The following GK5 variants were observed in gnomAD, a reference collection of about 807,000 sequenced individuals.
GK5 encodes glycerol kinase 5.
In GK5, 39 loss-of-function variants were observed where a neutral mutation model predicts 77.3. That is an observed-to-expected ratio of 0.50 (90% CI 0.39 to 0.66). The LOEUF is 0.66. Among genes scored for constraint, GK5 ranks in the 30% least tolerant of loss-of-function variants. The probability of loss-of-function intolerance (pLI) is 0.00; values close to 1 mark genes in which losing one functional copy is unlikely to be tolerated. For synonymous variants in GK5, 211 were observed against 208.0 expected (o/e 1.01, Z -0.13); for missense variants, 487 against 633.8 (o/e 0.77, Z 2.49).
chr3:142,159,588 A>AT lies in GK5; in HGVS notation c.*6033dup, dbSNP rs1244403126. 2.0e-5 allele frequency: 3 copies of AT among 151,992 alleles called. No individual in the cohort carries two copies. The East Asian group carries it at 5.8e-4, about 29-fold the overall frequency. The allele number at this position is 151,992 out of a possible 1,614,324, so 9.4% of individuals were successfully genotyped here. On this transcript the variant is annotated 3_prime_UTR_variant, in exon 16 of 16. Transcript: ENST00000392993. ...CAGCCAATGACTTAGGTGCCAATAG[A>AT]TGCTGGTGCCAAAATATTTATGGCT... is the stretch of plus-strand genomic sequence containing the variant.
chr3:142,201,804 C>T (rs1273652238), intron 4 of GK5, among the ~76,000 whole-genome samples: 2 of 152,136 alleles, frequency 1.3e-5, no homozygotes, highest in African/African-American at 4.8e-5. Flanking sequence ...GATCTCTGTA[C>T]TGTTTCTTAC....
intron 1 of GK5, among the ~76,000 whole-genome samples, chr3:142,223,451 T>TA (rs2107802404): frequency 6.6e-6 from 1 of 152,332 alleles, no homozygotes; most frequent in South Asian, 2.1e-4. Flanking sequence ...GGGATAGGGA[T>TA]AGTGTGTGGG....
intron 11 of GK5, among the ~76,000 whole-genome samples, chr3:142,180,233 A>T (rs2063675497): frequency 6.6e-6 from 1 of 152,198 alleles, no homozygotes; most frequent in South Asian, 2.1e-4. Flanking sequence ...GACAGCAGAC[A>T]GAGCAGCAGA....
chr3:142,189,607 T>C (rs1455236767), intron 5 of GK5, among the ~76,000 whole-genome samples: 2 of 152,150 alleles, frequency 1.3e-5, no homozygotes, highest in Non-Finnish European at 2.9e-5. Flanking sequence ...GGGCCTCTGA[T>C]AGGTGCTAGG....
intron 1 of GK5, among the ~76,000 whole-genome samples, chr3:142,224,305 G>C (rs543546041): frequency 6.6e-6 from 1 of 152,214 alleles, no homozygotes; most frequent in East Asian, 1.9e-4. Context: ...CAGCTACTTG[G>C]GGGGCTGAGG....
intron 3 of GK5, among the ~76,000 whole-genome samples, chr3:142,210,097 A>G (rs1444578952): frequency 6.6e-6 from 1 of 152,206 alleles, no homozygotes; most frequent in Non-Finnish European, 1.5e-5. Context: ...AGAAAGCTCA[A>G]AGACTGAAAA....
chr3:142,180,843 A>G (rs2063686820), intron 11 of GK5, among the ~76,000 whole-genome samples: 1 of 152,106 alleles, frequency 6.6e-6, no homozygotes, highest in African/African-American at 2.4e-5. Context: ...TTACCTTATA[A>G]AGGTTTTTAT....
At chr3:142,188,860 G>A (rs1258185843) in intron 5 of GK5, among the ~76,000 whole-genome samples, 2 of 152,210 alleles carry the variant, frequency 1.3e-5, no homozygotes, top group Non-Finnish European at 2.9e-5. Flanking sequence ...AGCATGCCAA[G>A]AGAAACAGAA....
At chr3:142,225,252 C>T (rs2064411198) in intron 1 of GK5, 57 bp downstream of exon 1, 2 of 1,472,824 alleles carry the variant, frequency 1.4e-6, no homozygotes, top group South Asian at 1.3e-5. Context: ...CGAGGCCGGA[C>T]CCCGGGACTC....
At chr3:142,189,050 CTTCT>C (rs781325882) in intron 5 of GK5, among the ~76,000 whole-genome samples, 92 of 152,166 alleles carry the variant, frequency 6.0e-4, no homozygotes, top group Non-Finnish European at 1.0e-3. Flanking sequence ...TCCCACACTC[CTTCT>C]AACTCAGTCT....
At chr3:142,188,717 A>G (rs1274300293) in intron 5 of GK5, among the ~76,000 whole-genome samples, 1 of 152,268 alleles carries the variant, frequency 6.6e-6, no homozygotes, top group African/African-American at 2.4e-5. Flanking sequence ...TTCAGTGTCC[A>G]TAAGTAAAGT....
At chr3:142,209,103 AGCACCACT>A (rs764463531) in intron 3 of GK5, among the ~76,000 whole-genome samples, 1 of 151,876 alleles carries the variant, frequency 6.6e-6, no homozygotes, top group Non-Finnish European at 1.5e-5. Flanking sequence ...GAGCCGAGAT[AGCACCACT>A]GCACTCCAGC....
Position 142,180,434 on chromosome 3 carries a change from CT to C in GK5, c.1048+1026del, listed in dbSNP as rs967193856. On this transcript the variant is annotated intron_variant, in intron 11 of 15. Coordinates refer to ENST00000392993, the MANE Select transcript of GK5 (RefSeq NM_001039547.3). ...TCTCCTGCCTCAGCCTCCAGAGTAG[CT>C]GGGATTACAGGCGCACACCACCATG... Among the ~76,000 whole-genome samples, 17 of 152,036 alleles carry C rather than the reference CT, an allele frequency of 1.1e-4. No homozygotes were observed. The East Asian group carries it at 3.1e-3, about 28-fold the overall frequency.
At chr3:142,183,732 T>C (rs1294083037) in intron 9 of GK5, among the ~76,000 whole-genome samples, 1 of 151,254 alleles carries the variant, frequency 6.6e-6, no homozygotes. Context: ...AGTGCTGGGA[T>C]TGCAGGTGTG....
In GK5 at chr3:142,162,492, A is replaced by G. The variant is rs2063432930; in HGVS notation, c.*3130T>C. On this transcript the variant is annotated 3_prime_UTR_variant, in exon 16 of 16. Coordinates refer to ENST00000392993, the MANE Select transcript of GK5 (RefSeq NM_001039547.3). ...AAACCATGCCATGGTTGGATAAAAAAGATGAAAAAATCAGTATGTCTATAG... is the reference window on the plus strand; with the variant it reads ...AAACCATGCCATGGTTGGATAAAAAGGATGAAAAAATCAGTATGTCTATAG... The G allele has an allele frequency of 6.6e-6, 1 of 152,252 alleles. No homozygotes were observed. Among genetic ancestry groups the G allele is most frequent in the African/African-American group, 2.4e-5 (1 of 41,464 alleles). 9.4% of individuals were successfully genotyped at this position (152,252 alleles called of 1,614,324 possible). A position where few individuals can be genotyped will look rare whatever the true frequency, so the allele number is the denominator to read the frequency against.
Position 142,187,685 on chromosome 3 carries a change from T to A in GK5, c.619+19A>T, listed in dbSNP as rs751566257. On this transcript the variant is annotated intron_variant, in intron 6 of 15. Transcript: ENST00000392993. Reference sequence around the variant, plus strand: ...TCAAATTTCGGTTATTTAAAATAGATCTTTCAGGTCATCTTTACCTTTTGT... The same window carrying A: ...TCAAATTTCGGTTATTTAAAATAGAACTTTCAGGTCATCTTTACCTTTTGT... The A allele has an allele frequency of 9.7e-6, 15 of 1,546,834 alleles. No individual in the cohort carries two copies. Among genetic ancestry groups the A allele is most frequent in the Non-Finnish European group, 1.3e-5 (15 of 1,124,686 alleles).
rs554256812 is a variant in GK5, at chr3:142,211,727, G to A, written c.317+1799C>T. 7.2e-5 allele frequency among the ~76,000 whole-genome samples: 11 copies of A among 152,292 alleles called. 1 individual carries two copies. The highest frequency in any genetic ancestry group is 6.8e-3 in the Middle Eastern group (2 of 294). ...GAGGATCCCTTGAGCCCACGAGTTC[G>A]AGGCTGCAGTGAGCTATGATCGTGC... On this transcript the variant is annotated intron_variant, in intron 3 of 15. Transcript: ENST00000392993.
intron 4 of GK5, among the ~76,000 whole-genome samples, chr3:142,202,755 A>C (rs1487938996): frequency 3.3e-5 from 5 of 152,096 alleles, no homozygotes; most frequent in Non-Finnish European, 7.4e-5. Context: ...CTAGGAGTTC[A>C]AGACCAACCT....
In GK5 at chr3:142,161,744, G is replaced by C. The variant is rs558059270; in HGVS notation, c.*3878C>G. ...CTCCAGTAATTAAGGCTGCAGAGGT[G>C]GGGCTGGGTGGATGAAAACATCAGA... is the stretch of plus-strand genomic sequence containing the variant. On this transcript the variant is annotated 3_prime_UTR_variant, in exon 16 of 16. Coordinates refer to ENST00000392993, the MANE Select transcript of GK5 (RefSeq NM_001039547.3). 2 of 152,260 alleles carry C rather than the reference G, an allele frequency of 1.3e-5. No individual in the cohort carries two copies. The highest frequency in any genetic ancestry group is 1.3e-4 in the Admixed American group (2 of 15,278). The allele number at this position is 152,260 out of a possible 1,614,324, so 9.4% of individuals were successfully genotyped here.
Sources: gnomAD v4.1 joint callset for allele counts (sites outside exome capture counted in the v4.1 genomes callset) on GRCh38, gnomAD v4.1.1 for gene constraint, MANE v1.5 for transcripts, NCBI Gene and HGNC (gene_info 2026-07-23, HGNC 2026-07-21) for gene names.